Variants in MAML3 observed in about 807,000 individuals in gnomAD.
The protein encoded by MAML3 is mastermind like transcriptional coactivator 3, also known as mastermind-like protein 3.
In MAML3, 27 loss-of-function variants were observed where a neutral mutation model predicts 101.9. The observed-to-expected ratio is 0.27, with a 90% CI of 0.20 to 0.37. MAML3 has a LOEUF of 0.37. Ranked by LOEUF, MAML3 falls within the 10% of genes least tolerant of loss-of-function variation. The probability of loss-of-function intolerance (pLI) is 1.00; values close to 1 mark genes in which losing one functional copy is unlikely to be tolerated. For synonymous variants in MAML3, 501 were observed against 555.9 expected (o/e 0.90, Z 1.39); for missense variants, 1,316 against 1,444.9 (o/e 0.91, Z 1.45).
intron 1 of MAML3, among the ~76,000 whole-genome samples, chr4:140,099,011 G>A (rs10002742): frequency 0.4 from 60,504 of 151,872 alleles, 12,315 homozygotes; most frequent in Non-Finnish European, 0.43. Context: ...TTCCAGATGT[G>A]GTACAATAGG....
chr4:139,743,277 T>C (rs148232802), intron 2 of MAML3, among the ~76,000 whole-genome samples: 2 of 152,230 alleles, frequency 1.3e-5, no homozygotes, highest in Non-Finnish European at 2.9e-5. Context: ...GGGTGATTAA[T>C]GCTGGAGTAG....
chr4:139,986,146 A>AAAT (rs1203423245), intron 1 of MAML3, among the ~76,000 whole-genome samples: 3 of 152,226 alleles, frequency 2.0e-5, no homozygotes, highest in Non-Finnish European at 4.4e-5. Flanking sequence ...ATGGACTGAT[A>AAAT]AATACAAACG....
At chr4:140,119,536 C>A (rs567429174) in intron 1 of MAML3, among the ~76,000 whole-genome samples, 46 of 151,900 alleles carry the variant, frequency 3.0e-4, no homozygotes, top group Non-Finnish European at 5.7e-4. Flanking sequence ...TTTTGGGATA[C>A]ACAATTTTTT....
At chr4:139,958,361 C>T (rs998186121) in intron 1 of MAML3, among the ~76,000 whole-genome samples, 1 of 152,068 alleles carries the variant, frequency 6.6e-6, no homozygotes, top group Non-Finnish European at 1.5e-5. Context: ...TTGAGTGTAA[C>T]CTATGTTCAA....
chr4:139,856,207 C>T (rs1379446917), intron 2 of MAML3, among the ~76,000 whole-genome samples: 1 of 152,174 alleles, frequency 6.6e-6, no homozygotes, highest in Non-Finnish European at 1.5e-5. Context: ...GAGAGAAAGG[C>T]CCACTGGAAA....
intron 1 of MAML3, chr4:140,133,114 C>G (rs767557753): frequency 5.2e-5 from 23 of 443,608 alleles, no homozygotes; most frequent in South Asian, 3.7e-4. Flanking sequence ...ATGCCATATA[C>G]ATGGTAAATA....
intron 1 of MAML3, among the ~76,000 whole-genome samples, chr4:139,899,953 A>T (rs1264579359): frequency 6.6e-6 from 1 of 152,128 alleles, no homozygotes; most frequent in Non-Finnish European, 1.5e-5. Context: ...CTCCATTCTG[A>T]AATCCTCCAG....
chr4:140,030,174 C>T (rs1726885986), intron 1 of MAML3, among the ~76,000 whole-genome samples: 1 of 152,114 alleles, frequency 6.6e-6, no homozygotes, highest in African/African-American at 2.4e-5. Context: ...TGGTTCATTT[C>T]CCTCCTCCCC....
chr4:139,896,607 G>GGTGTGTGT (rs113274639), intron 1 of MAML3, among the ~76,000 whole-genome samples: 41,314 of 144,468 alleles, frequency 0.29, 6,707 homozygotes, highest in South Asian at 0.49. Context: ...CTGTGAAACT[G>GGTGTGTGT]GTGTGTGTGT....
At chr4:140,151,410 C>A (rs1276376066) in intron 1 of MAML3, among the ~76,000 whole-genome samples, 1 of 151,910 alleles carries the variant, frequency 6.6e-6, no homozygotes, top group Non-Finnish European at 1.5e-5. Flanking sequence ...GCGAGCACTG[C>A]GGCGTCGCCT....
At chr4:140,052,681 T>C (rs1350172436) in intron 1 of MAML3, among the ~76,000 whole-genome samples, 1 of 151,824 alleles carries the variant, frequency 6.6e-6, no homozygotes, top group Non-Finnish European at 1.5e-5. Context: ...ATTACAGGCA[T>C]ACACCACCAT....
chr4:140,091,013 G>A (rs1560890351), intron 1 of MAML3, among the ~76,000 whole-genome samples: 1 of 152,084 alleles, frequency 6.6e-6, no homozygotes, highest in Non-Finnish European at 1.5e-5. Context: ...TTGCGCCACT[G>A]CACTCCAACC....
At chr4:139,812,035 G>A (rs1159276583) in intron 2 of MAML3, among the ~76,000 whole-genome samples, 1 of 152,056 alleles carries the variant, frequency 6.6e-6, no homozygotes, top group East Asian at 1.9e-4. Flanking sequence ...AGCTGAGGAG[G>A]GAGGATCACC....
At chr4:140,118,138 C>T (rs115343980) in intron 1 of MAML3, among the ~76,000 whole-genome samples, 2,028 of 151,954 alleles carry the variant, frequency 0.013, 51 homozygotes, top group African/African-American at 0.046. Flanking sequence ...TACAACCAAC[C>T]CCCAGGTTAA....
At chr4:139,764,103 A>C (rs1420997610) in intron 2 of MAML3, among the ~76,000 whole-genome samples, 1 of 152,202 alleles carries the variant, frequency 6.6e-6, no homozygotes, top group Admixed American at 6.5e-5. Context: ...AAGCTGAGCA[A>C]ACTGAAGTAG....
At chr4:140,030,034 CG>C (rs1358508689) in intron 1 of MAML3, among the ~76,000 whole-genome samples, 2 of 150,114 alleles carry the variant, frequency 1.3e-5, no homozygotes, top group African/African-American at 5.1e-5. Context: ...TAGGAAGAAA[CG>C]AAAAGGATGA....
chr4:139,729,623 G>A lies in MAML3; in HGVS notation c.2331+793C>T, dbSNP rs530249791. 2.0e-5 allele frequency among the ~76,000 whole-genome samples: 3 copies of A among 152,226 alleles called. No individual in the cohort carries two copies. In the East Asian group the frequency reaches 5.8e-4, roughly 29 times the overall value. ...CTCTGTGCAGACCCTCACAGAAGCCGCCTGGGGATCTCTTGTGGACAGCCT... is the reference window on the plus strand; with the variant it reads ...CTCTGTGCAGACCCTCACAGAAGCCACCTGGGGATCTCTTGTGGACAGCCT... On this transcript the variant is annotated intron_variant, in intron 3 of 4. Transcript: ENST00000509479.
chr4:139,719,121 C>T lies in MAML3; in HGVS notation c.*202G>A, dbSNP rs146277765. 1.6e-4 allele frequency: 97 copies of T among 591,974 alleles called. No homozygotes were observed. Among genetic ancestry groups the T allele is most frequent in the African/African-American group, 1.3e-3 (70 of 53,820 alleles). The allele number at this position is 591,974 out of a possible 1,614,324, so 36.7% of individuals were successfully genotyped here. On this transcript the variant is annotated 3_prime_UTR_variant, in exon 5 of 5. Coordinates refer to ENST00000509479, the MANE Select transcript of MAML3 (RefSeq NM_018717.5). ...CCGGGATCTGCATGGCGTCTCATCT[C>T]GATTGCTGTGTGAAAATCAGGTGAA...
At chr4:140,110,264 A>G (rs1188517951) in intron 1 of MAML3, among the ~76,000 whole-genome samples, 1 of 152,252 alleles carries the variant, frequency 6.6e-6, no homozygotes, top group Non-Finnish European at 1.5e-5. Context: ...ACGCTTGCAC[A>G]GGGGCAATGA....
Sources: gnomAD v4.1 joint callset for allele counts (sites outside exome capture counted in the v4.1 genomes callset) on GRCh38, gnomAD v4.1.1 for gene constraint, MANE v1.5 for transcripts, NCBI Gene and HGNC (gene_info 2026-07-23, HGNC 2026-07-21) for gene names.